NECAB1: variants seen among roughly 807,000 people sequenced by gnomAD.
The protein encoded by NECAB1 is N-terminal EF-hand calcium-binding protein 1.
In NECAB1, 29 loss-of-function variants were observed where a neutral mutation model predicts 57.5. The ratio of observed to expected loss-of-function variants is 0.50; its 90% CI spans 0.38 to 0.69. NECAB1 has a LOEUF of 0.69. Ranked by LOEUF, NECAB1 falls within the 30% of genes least tolerant of loss-of-function variation. The pLI is 0.00. For synonymous variants in NECAB1, 142 were observed against 147.7 expected (o/e 0.96, Z 0.28); for missense variants, 372 against 413.8 (o/e 0.90, Z 0.88).
At chr8:90,853,222 C>A (rs1812720384) in intron 3 of NECAB1, among the ~76,000 whole-genome samples, 1 of 152,212 alleles carries the variant, frequency 6.6e-6, no homozygotes, top group African/African-American at 2.4e-5. Flanking sequence ...GTAACTCCTG[C>A]CAGTGCAGAA....
chr8:90,798,965 T>C (rs1419816667), intron 1 of NECAB1, among the ~76,000 whole-genome samples: 1 of 152,100 alleles, frequency 6.6e-6, no homozygotes, highest in African/African-American at 2.4e-5. Context: ...AATGTGGTTG[T>C]GTTTTTTTTG....
intron 4 of NECAB1, among the ~76,000 whole-genome samples, chr8:90,873,257 A>G (rs2129850737): frequency 6.6e-6 from 1 of 152,342 alleles, no homozygotes; most frequent in East Asian, 1.9e-4. Flanking sequence ...AGATATGTTT[A>G]TGGAGGAGCA....
Position 90,824,771 on chromosome 8 carries a change from T to C in NECAB1, c.179T>C (p.Leu60Pro). 3.2e-6 allele frequency: 5 copies of C among 1,553,258 alleles called. No individual in the cohort carries two copies. The highest frequency in any genetic ancestry group is 4.4e-6 in the Non-Finnish European group (5 of 1,146,764). ...EFKAYFADGVLSGEELHELFH... is the reference protein window; with the variant it reads ...EFKAYFADGVPSGEELHELFH... Reference sequence around the variant, plus strand: ...AAAGCATATTTTGCAGATGGTGTTCTCAGTGGAGAAGAATTACACGAGCTT... The same window carrying C: ...AAAGCATATTTTGCAGATGGTGTTCCCAGTGGAGAAGAATTACACGAGCTT... The change falls in exon 3 of 13, where the codon CTC (leucine) becomes CCC (proline). Residue 60 changes from leucine (L) to proline (P), a missense_variant. Coordinates refer to ENST00000417640, the MANE Select transcript of NECAB1 (RefSeq NM_022351.5).
At chr8:90,911,105 C>T (rs1488569088) in intron 5 of NECAB1, among the ~76,000 whole-genome samples, 1 of 152,078 alleles carries the variant, frequency 6.6e-6, no homozygotes, top group African/African-American at 2.4e-5. Context: ...ACCAACATGG[C>T]CATCTTCCCC....
At chr8:90,925,827 G>A (rs766855534) in intron 7 of NECAB1, among the ~76,000 whole-genome samples, 171 bp downstream of exon 7, 25 of 152,198 alleles carry the variant, frequency 1.6e-4, no homozygotes, top group Non-Finnish European at 2.4e-4. Flanking sequence ...CTGGGGTGGT[G>A]AGCCTAAAAT....
intron 5 of NECAB1, among the ~76,000 whole-genome samples, chr8:90,898,397 A>C (rs914017345): frequency 2.6e-5 from 4 of 152,202 alleles, no homozygotes; most frequent in African/African-American, 9.7e-5. Flanking sequence ...TTTCACTGAG[A>C]TTAGACATCA....
At chr8:90,870,383 TA>T in intron 3 of NECAB1, among the ~76,000 whole-genome samples, 1 of 152,352 alleles carries the variant, frequency 6.6e-6, no homozygotes, top group East Asian at 1.9e-4. Flanking sequence ...AAAGGTAAAG[TA>T]GAAACTTCTT....
At chr8:90,880,057 T>C (rs2129874375) in intron 4 of NECAB1, among the ~76,000 whole-genome samples, 1 of 152,338 alleles carries the variant, frequency 6.6e-6, no homozygotes, top group South Asian at 2.1e-4. Flanking sequence ...CCAGTTGTTA[T>C]TAATATCAAT....
intron 3 of NECAB1, among the ~76,000 whole-genome samples, chr8:90,837,272 C>A (rs563528838): frequency 3.4e-4 from 51 of 152,146 alleles, no homozygotes; most frequent in Non-Finnish European, 7.1e-4. Flanking sequence ...GGGATAAGTT[C>A]CAAGACCCAC....
intron 3 of NECAB1, among the ~76,000 whole-genome samples, chr8:90,849,057 C>T (rs908307192): frequency 8.5e-5 from 13 of 152,204 alleles, no homozygotes; most frequent in African/African-American, 2.9e-4. Flanking sequence ...CCCCATGTCC[C>T]TCCCATGACA....
chr8:90,933,416 G>A (rs535410264), intron 8 of NECAB1, among the ~76,000 whole-genome samples: 2 of 152,268 alleles, frequency 1.3e-5, no homozygotes, highest in East Asian at 3.9e-4. Flanking sequence ...ATGAATTAAT[G>A]GCATTTGTAG....
chr8:90,868,165 C>T (rs1195763330), intron 3 of NECAB1, among the ~76,000 whole-genome samples: 1 of 152,184 alleles, frequency 6.6e-6, no homozygotes, highest in Non-Finnish European at 1.5e-5. Flanking sequence ...TGGGGCCTCT[C>T]CAGCCATGCA....
chr8:90,849,791 T>G (rs990657203), intron 3 of NECAB1, among the ~76,000 whole-genome samples: 1 of 148,176 alleles, frequency 6.7e-6, no homozygotes, highest in African/African-American at 2.5e-5. Flanking sequence ...CCTTCCAGGT[T>G]CACGCCATTC....
chr8:90,887,528 T>C (rs1809035646), intron 5 of NECAB1, among the ~76,000 whole-genome samples: 1 of 152,216 alleles, frequency 6.6e-6, no homozygotes, highest in African/African-American at 2.4e-5. Flanking sequence ...ATTTAATTAA[T>C]TGGCAGTACA....
chr8:90,868,877 G>A (rs1397040376), intron 3 of NECAB1, among the ~76,000 whole-genome samples: 1 of 152,204 alleles, frequency 6.6e-6, no homozygotes, highest in Non-Finnish European at 1.5e-5. Flanking sequence ...TGGGGAAAAT[G>A]TCTCCAGGGT....
intron 3 of NECAB1, among the ~76,000 whole-genome samples, chr8:90,860,073 T>C (rs1270732028): frequency 1.3e-5 from 2 of 152,062 alleles, no homozygotes; most frequent in African/African-American, 4.8e-5. Flanking sequence ...TTTGAAAATT[T>C]CACTACCGGC....
At chr8:90,953,872 C>T (rs1285881160) in intron 12 of NECAB1, among the ~76,000 whole-genome samples, 2 of 151,896 alleles carry the variant, frequency 1.3e-5, no homozygotes, top group East Asian at 3.9e-4. Context: ...AGATCGAGAC[C>T]AGTGGCCAAT....
At chr8:90,804,874 G>A (rs926161776) in intron 2 of NECAB1, among the ~76,000 whole-genome samples, 1 of 152,166 alleles carries the variant, frequency 6.6e-6, no homozygotes, top group Non-Finnish European at 1.5e-5. Context: ...ACCATGTCAT[G>A]TGGTAATTAT....
chr8:90,893,241 G>A (rs779213270), intron 5 of NECAB1, among the ~76,000 whole-genome samples: 8 of 152,028 alleles, frequency 5.3e-5, no homozygotes, highest in Admixed American at 3.3e-4. Context: ...GTGGGGTGTC[G>A]GTGGGGGTAG....
Sources: allele counts gnomAD v4.1 joint callset (sites outside exome capture counted in the v4.1 genomes callset), GRCh38; gene constraint gnomAD v4.1.1; transcripts MANE v1.5; gene names NCBI Gene and HGNC (gene_info 2026-07-23, HGNC 2026-07-21).